The following RRBP1 variants were observed in gnomAD, a reference collection of about 807,000 sequenced individuals.
RRBP1 encodes ribosome binding protein 1, also known as ribosome-binding protein 1.
A neutral mutation model predicts 165.2 loss-of-function variants in RRBP1; 94 were observed. The observed-to-expected ratio is 0.57, with a 90% CI of 0.48 to 0.68. The LOEUF (loss-of-function observed/expected upper bound fraction) is 0.68. Among genes scored for constraint, RRBP1 ranks in the 30% least tolerant of loss-of-function variants. The probability of loss-of-function intolerance (pLI) is 0.00; values close to 1 mark genes in which losing one functional copy is unlikely to be tolerated. For synonymous variants in RRBP1, 680 were observed against 714.5 expected (o/e 0.95, Z 0.77); for missense variants, 1,676 against 1,763.0 (o/e 0.95, Z 0.88).
rs1216820381 is a variant in RRBP1, at chr20:17,659,462, C to T, written c.1046G>A (p.Gly349Asp). The change falls in exon 3 of 25, where the codon GGC becomes GAC. Residue 349 changes from glycine to aspartate, a missense_variant. Physicochemically the swap from Gly to Asp is moderately conservative, Grantham distance 94. Around this residue, in one of 5 missense-constraint regions of RRBP1, gnomAD observed 78 missense variants for 115.6 expected, o/e 0.67. Coordinates refer to ENST00000377813, the MANE Select transcript of RRBP1 (RefSeq NM_001365613.2). Reference protein sequence around the residue: ...GKKAEGAQNQGKKAEGAQNQG... With the variant: ...GKKAEGAQNQDKKAEGAQNQG... Reference sequence around the variant, plus strand: ...ATTCTGGGCCCCCTCGGCCTTCTTGCCCTGATTCTGGGCCCCCTCGGCCTT... The same window carrying T: ...ATTCTGGGCCCCCTCGGCCTTCTTGTCCTGATTCTGGGCCCCCTCGGCCTT... 3.1e-5 allele frequency: 34 copies of T among 1,081,264 alleles called. No homozygotes were observed. Among genetic ancestry groups the T allele is most frequent in the Non-Finnish European group, 4.3e-5 (32 of 748,500 alleles). 67.0% of individuals were successfully genotyped at this position (1,081,264 alleles called of 1,614,324 possible). A position where few individuals can be genotyped will look rare whatever the true frequency, so the allele number is the denominator to read the frequency against.
chr20:17,632,278 T>C (rs1247561339), intron 8 of RRBP1, among the ~76,000 whole-genome samples: 1 of 152,142 alleles, frequency 6.6e-6, no homozygotes, highest in Non-Finnish European at 1.5e-5. Context: ...GGACAGGAGA[T>C]ACTGGGAGCC....
intron 3 of RRBP1, among the ~76,000 whole-genome samples, chr20:17,644,106 C>G (rs975488929): frequency 3.3e-5 from 5 of 152,296 alleles, no homozygotes; most frequent in Admixed American, 2.0e-4. Context: ...TCTGGCTTGT[C>G]ACAATATTTT....
intron 2 of RRBP1, among the ~76,000 whole-genome samples, chr20:17,670,930 C>G (rs1249103880): frequency 6.6e-6 from 1 of 152,216 alleles, no homozygotes; most frequent in African/African-American, 2.4e-5. Context: ...TCGCTCCTCT[C>G]CTGGAACCCC....
chr20:17,637,318 G>A (rs999032139), intron 5 of RRBP1, among the ~76,000 whole-genome samples: 4 of 152,118 alleles, frequency 2.6e-5, no homozygotes, highest in Non-Finnish European at 4.4e-5. Flanking sequence ...TGGGGGGTCC[G>A]GCGTCTCCAG....
intron 12 of RRBP1, 100 bp downstream of exon 12, chr20:17,625,412 C>T: frequency 9.8e-7 from 1 of 1,023,274 alleles, no homozygotes; most frequent in East Asian, 2.4e-5. Context: ...AAGCTCAGCC[C>T]TCCCCCGAGT....
intron 3 of RRBP1, among the ~76,000 whole-genome samples, chr20:17,649,298 G>A (rs977131618): frequency 2.0e-4 from 31 of 152,304 alleles, no homozygotes; most frequent in East Asian, 1.2e-3. Context: ...GGCACCTGCC[G>A]GGCAGGGCGG....
intron 7 of RRBP1, among the ~76,000 whole-genome samples, chr20:17,634,828 CT>C (rs1340970793): frequency 6.6e-6 from 1 of 152,218 alleles, no homozygotes; most frequent in East Asian, 1.9e-4. Flanking sequence ...GCTGCTGGAT[CT>C]CACTCCACGT....
Position 17,624,590 on chromosome 20 carries a change from G to T in RRBP1, c.3133C>A (p.Leu1045Met). ...EQACKEKLLS[L>M]TQAKEESEKQ... ...CGGGCTCTGACCTTGGCCTGGGTCA[G>T]GGAGAGCAGCTTCTCCTTGCAGGCC... is the stretch of plus-strand genomic sequence containing the variant. The change falls in exon 13 of 25, where the codon CTG becomes ATG. Residue 1045 changes from leucine to methionine, a missense_variant. By Grantham distance (15) the Leu-to-Met change is conservative. Coordinates refer to ENST00000377813, the MANE Select transcript of RRBP1 (RefSeq NM_001365613.2). The T allele has an allele frequency of 6.3e-7, 1 of 1,592,824 alleles. No individual in the cohort carries two copies. The highest frequency in any genetic ancestry group is 2.3e-5 in the East Asian group (1 of 44,162).
At chr20:17,627,195 A>G (rs1254025118) in intron 11 of RRBP1, among the ~76,000 whole-genome samples, 153 bp downstream of exon 11, 1 of 152,036 alleles carries the variant, frequency 6.6e-6, no homozygotes, top group East Asian at 1.9e-4. Flanking sequence ...CCCGTCCTCT[A>G]AATCACCGGA....
rs1048256539 is a variant in RRBP1, at chr20:17,620,224, G to C, written c.3579+75C>G. On this transcript the variant is annotated intron_variant, in intron 18 of 24. Coordinates refer to ENST00000377813, the MANE Select transcript of RRBP1 (RefSeq NM_001365613.2). ...GGTCCATGAGGAAGAAATCAGTGAA[G>C]TGTCCTCTGCATTAACGTCACTTTC... The C allele has an allele frequency of 1.9e-5, 20 of 1,051,810 alleles. No homozygotes were observed. The Admixed American group carries it at 2.4e-4, about 13-fold the overall frequency. The allele number at this position is 1,051,810 out of a possible 1,614,324, so 65.2% of individuals were successfully genotyped here. A position where few individuals can be genotyped will look rare whatever the true frequency, so the allele number is the denominator to read the frequency against.
At position 17,621,703 on chromosome 20, in the gene RRBP1, G is replaced by A. The variant is rs201544272; in HGVS notation, c.3311C>T (p.Ala1104Val). The change falls in exon 15 of 25, where the codon GCG becomes GTG. Residue 1104 changes from alanine (A) to valine (V), a missense_variant. Coordinates refer to ENST00000377813, the MANE Select transcript of RRBP1 (RefSeq NM_001365613.2). ...AGCCACACTTACCGAGGAGGGCTCCGCGGGAGCTGGCGGGTGCTTCAGCAG... is the reference window on the plus strand; with the variant it reads ...AGCCACACTTACCGAGGAGGGCTCCACGGGAGCTGGCGGGTGCTTCAGCAG... ...PTLLKHPPAP[A>V]EPSSDLASKL... 312 of 1,613,500 alleles carry A rather than the reference G, an allele frequency of 1.9e-4. 1 individual carries two copies. The highest frequency in any genetic ancestry group is 8.0e-4 in the Admixed American group (48 of 60,016).
intron 5 of RRBP1, among the ~76,000 whole-genome samples, chr20:17,639,278 C>T (rs904120177): frequency 6.6e-6 from 1 of 152,230 alleles, no homozygotes; most frequent in African/African-American, 2.4e-5. Context: ...GGTCCTTGAA[C>T]CCAACTCTGC....
intron 3 of RRBP1, among the ~76,000 whole-genome samples, chr20:17,652,352 A>G (rs1232114775): frequency 2.0e-5 from 3 of 152,186 alleles, no homozygotes; most frequent in African/African-American, 4.8e-5. Flanking sequence ...GATTTAGGTG[A>G]TAATTTAAAT....
Position 17,633,718 on chromosome 20 carries a change from C to T in RRBP1, c.2457-105G>A, listed in dbSNP as rs192497512. Reference sequence around the variant, plus strand: ...CAGCTCTCTTGTAAGTAAGCAGTTGCCCAAGTCTTGAAGCCATTACCAAAG... The same window carrying T: ...CAGCTCTCTTGTAAGTAAGCAGTTGTCCAAGTCTTGAAGCCATTACCAAAG... On this transcript the variant is annotated intron_variant, in intron 7 of 24. Transcript: ENST00000377813. The T allele has an allele frequency of 3.3e-6, 4 of 1,218,228 alleles. 1 individual carries two copies. Among genetic ancestry groups the T allele is most frequent in the Middle Eastern group, 3.9e-4 (2 of 5,072 alleles). 75.5% of individuals were successfully genotyped at this position (1,218,228 alleles called of 1,614,324 possible).
intron 2 of RRBP1, among the ~76,000 whole-genome samples, chr20:17,678,079 A>G (rs2037115158): frequency 6.6e-6 from 1 of 152,228 alleles, no homozygotes; most frequent in Non-Finnish European, 1.5e-5. Flanking sequence ...GACAGGTGGA[A>G]GACACATGTT....
At chr20:17,636,788 G>T in intron 5 of RRBP1, 59 bp from the exon 6 acceptor site, 1 of 1,600,212 alleles carries the variant, frequency 6.2e-7, no homozygotes, top group African/African-American at 1.3e-5. Context: ...GAGCCTATCA[G>T]AAGGGAGCAA....
At chr20:17,637,990 G>A (rs2036279187) in intron 5 of RRBP1, among the ~76,000 whole-genome samples, 1 of 152,206 alleles carries the variant, frequency 6.6e-6, no homozygotes, top group South Asian at 2.1e-4. Context: ...AGGCTGGGGA[G>A]CAGCTCTAAG....
chr20:17,637,856 T>G (rs530506948), intron 5 of RRBP1, among the ~76,000 whole-genome samples: 7,261 of 152,108 alleles, frequency 0.048, 521 homozygotes, highest in African/African-American at 0.16. Flanking sequence ...GCTACAGAAG[T>G]GGGGGGCGGG....
At chr20:17,614,516 G>C (rs2035753883) in intron 24 of RRBP1, among the ~76,000 whole-genome samples, 1 of 152,160 alleles carries the variant, frequency 6.6e-6, no homozygotes, top group South Asian at 2.1e-4. Flanking sequence ...TTCCCAGCAA[G>C]GGAACCCCAG....
Sources: allele counts gnomAD v4.1 joint callset (sites outside exome capture counted in the v4.1 genomes callset), GRCh38; gene constraint gnomAD v4.1.1; regional missense constraint gnomAD v4.1.1; transcripts MANE v1.5; gene names NCBI Gene and HGNC (gene_info 2026-07-23, HGNC 2026-07-21).